The following KCNMA1 variants were observed in gnomAD, a reference collection of about 807,000 sequenced individuals.
KCNMA1 encodes potassium calcium-activated channel subfamily M alpha 1, also known as Calcium-activated potassium channel subunit alpha-1.
In KCNMA1, 29 loss-of-function variants were observed where a neutral mutation model predicts 140.0. The observed-to-expected ratio is 0.21, with a 90% CI of 0.15 to 0.28. KCNMA1 has a LOEUF of 0.28. Among genes scored for constraint, KCNMA1 ranks in the 10% least tolerant of loss-of-function variants. The probability of loss-of-function intolerance (pLI) is 1.00; values close to 1 mark genes in which losing one functional copy is unlikely to be tolerated. For missense variants in KCNMA1, 880 were observed against 1,602.2 expected (o/e 0.55, Z 7.70); for synonymous variants, 612 against 611.9 (o/e 1.00, Z 0.00).
intron 22 of KCNMA1, among the ~76,000 whole-genome samples, chr10:76,947,969 T>A (rs76991527): frequency 2.7e-5 from 4 of 149,142 alleles, no homozygotes; most frequent in Admixed American, 1.4e-4. Flanking sequence ...CTTCTTAACA[T>A]GTAGAGAAAT....
intron 1 of KCNMA1, among the ~76,000 whole-genome samples, chr10:77,585,465 T>C (rs761397728): frequency 6.6e-6 from 1 of 152,224 alleles, no homozygotes; most frequent in African/African-American, 2.4e-5. Flanking sequence ...CAAGCTATAT[T>C]ACTTGGTTTT....
intron 1 of KCNMA1, among the ~76,000 whole-genome samples, chr10:77,405,516 T>A (rs1302181477): frequency 6.6e-6 from 1 of 152,228 alleles, no homozygotes; most frequent in Non-Finnish European, 1.5e-5. Context: ...CAGTAAAATT[T>A]AAATTTCAGA....
At chr10:77,214,834 C>T (rs1029251802) in intron 3 of KCNMA1, among the ~76,000 whole-genome samples, 9 of 152,170 alleles carry the variant, frequency 5.9e-5, no homozygotes, top group African/African-American at 1.9e-4. Context: ...ATCCAGCCTC[C>T]TCCTGCTTTA....
chr10:77,299,367 G>A lies in KCNMA1; in HGVS notation c.541-48111C>T, dbSNP rs531675616. ...TTGCAGTGAGGGTCCTAAGGAGGCT[G>A]CTGCTTTGACAGCCTGCATGAGCAG... On this transcript the variant is annotated intron_variant, in intron 2 of 27. Coordinates refer to ENST00000286628, the MANE Select transcript of KCNMA1 (RefSeq NM_001161352.2). Among the ~76,000 whole-genome samples, 10 of 152,322 alleles carry A rather than the reference G, an allele frequency of 6.6e-5. No homozygotes were observed. The South Asian group carries it at 2.1e-3, about 32-fold the overall frequency.
intron 23 of KCNMA1, among the ~76,000 whole-genome samples, chr10:76,931,667 T>C (rs541661618): frequency 1.3e-5 from 2 of 152,236 alleles, no homozygotes; most frequent in South Asian, 4.1e-4. Flanking sequence ...TGTATGAGGT[T>C]TTCTGTCAGC....
intron 25 of KCNMA1, chr10:76,903,123 C>A: frequency 6.6e-6 from 1 of 152,512 alleles, no homozygotes; most frequent in Non-Finnish European, 1.5e-5. Context: ...CCCACAGCGC[C>A]ATCTAGCCCG....
chr10:76,959,294 A>G (rs2153042703), intron 20 of KCNMA1, among the ~76,000 whole-genome samples: 1 of 152,360 alleles, frequency 6.6e-6, no homozygotes, highest in African/African-American at 2.4e-5. Context: ...TGGAGTGTTC[A>G]GGGGTTGATA....
intron 1 of KCNMA1, among the ~76,000 whole-genome samples, chr10:77,409,468 G>A (rs369310754): frequency 1.8e-4 from 28 of 152,206 alleles, no homozygotes; most frequent in East Asian, 1.4e-3. Flanking sequence ...TTGCCTCCCC[G>A]ATAAGACAAT....
At chr10:77,200,161 G>C (rs1375911663) in intron 3 of KCNMA1, among the ~76,000 whole-genome samples, 1 of 152,120 alleles carries the variant, frequency 6.6e-6, no homozygotes, top group African/African-American at 2.4e-5. Context: ...ATGTTGGCTA[G>C]GCTGGTCTCG....
chr10:77,052,683 T>C (rs919388050), intron 14 of KCNMA1, among the ~76,000 whole-genome samples: 5 of 152,088 alleles, frequency 3.3e-5, no homozygotes, highest in African/African-American at 1.2e-4. Context: ...CAGCTTGTAT[T>C]TGGAGGACAG....
rs529760845 is a variant in KCNMA1, at chr10:77,251,360, C to T, written c.541-104G>A. 8 of 829,104 alleles carry T rather than the reference C, an allele frequency of 9.6e-6. No individual in the cohort carries two copies. The East Asian group carries it at 1.8e-4, about 19-fold the overall frequency. 51.4% of individuals were successfully genotyped at this position (829,104 alleles called of 1,614,324 possible). On this transcript the variant is annotated intron_variant, in intron 2 of 27. Transcript: ENST00000286628. The stretch of plus-strand genomic sequence containing the variant: ...GCTTTGAAATACGGTGCCCATTGCC[C>T]TTGGGGACCTGCTTGGAAATCTCAC...
intron 2 of KCNMA1, among the ~76,000 whole-genome samples, chr10:77,262,540 C>A (rs1213135063): frequency 4.0e-5 from 6 of 151,386 alleles, no homozygotes; most frequent in Non-Finnish European, 8.8e-5. Context: ...TGAAACATGA[C>A]CCCCAGTGTT....
chr10:77,466,895 T>G (rs1393519917), intron 1 of KCNMA1, among the ~76,000 whole-genome samples: 11 of 116,290 alleles, frequency 9.5e-5, no homozygotes, highest in African/African-American at 3.9e-4. Context: ...TGCAATCAGA[T>G]AGACAGGACC....
At chr10:76,948,083 C>T (rs575775862) in intron 22 of KCNMA1, among the ~76,000 whole-genome samples, 2 of 152,272 alleles carry the variant, frequency 1.3e-5, no homozygotes, top group East Asian at 3.9e-4. Context: ...CAGCCCACTG[C>T]AGCCTCCACC....
At chr10:77,490,620 T>G (rs2098521044) in intron 1 of KCNMA1, among the ~76,000 whole-genome samples, 1 of 152,164 alleles carries the variant, frequency 6.6e-6, no homozygotes, top group East Asian at 1.9e-4. Flanking sequence ...ACAATAGACC[T>G]AGGAGGTTGG....
chr10:76,915,193 T>C, intron 23 of KCNMA1, 144 bp from the exon 24 acceptor site: 1 of 658,260 alleles, frequency 1.5e-6, no homozygotes, highest in Non-Finnish European at 2.8e-6. Flanking sequence ...CGGGATAAAC[T>C]CTGATGATTA....
chr10:77,530,130 G>C (rs1459960070), intron 1 of KCNMA1, among the ~76,000 whole-genome samples: 1 of 152,198 alleles, frequency 6.6e-6, no homozygotes, highest in Non-Finnish European at 1.5e-5. Flanking sequence ...ACTAACACGA[G>C]AAGGCCAGAG....
intron 2 of KCNMA1, among the ~76,000 whole-genome samples, chr10:77,328,024 C>T (rs1418219985): frequency 2.6e-5 from 4 of 152,172 alleles, no homozygotes; most frequent in Non-Finnish European, 2.9e-5. Context: ...GTGCACACAA[C>T]GTGACCTCAA....
intron 1 of KCNMA1, among the ~76,000 whole-genome samples, chr10:77,456,147 C>A (rs115888186): frequency 1.2e-3 from 185 of 152,284 alleles, no homozygotes; most frequent in African/African-American, 4.3e-3. Context: ...GCAGGAGGCA[C>A]GACAGGGGAA....
Sources: gnomAD v4.1 joint callset for allele counts (sites outside exome capture counted in the v4.1 genomes callset) on GRCh38, gnomAD v4.1.1 for gene constraint, MANE v1.5 for transcripts, NCBI Gene and HGNC (gene_info 2026-07-23, HGNC 2026-07-21) for gene names.